The following PEAK1 variants were observed in gnomAD, a reference collection of about 807,000 sequenced individuals.
PEAK1 encodes the protein inactive tyrosine-protein kinase PEAK1.
In PEAK1, 54 loss-of-function variants were observed where a neutral mutation model predicts 124.7. That is an observed-to-expected ratio of 0.43 (90% CI 0.35 to 0.54). The LOEUF is 0.54. Among genes scored for constraint, PEAK1 ranks in the 20% least tolerant of loss-of-function variants. The pLI, the probability that PEAK1 is intolerant of heterozygous loss-of-function variation, is 0.01. For missense variants in PEAK1, 2,046 were observed against 2,134.5 expected, an observed-to-expected ratio of 0.96 and a Z score of 0.82; for synonymous variants, 719 against 760.0, an observed-to-expected ratio of 0.95 and a Z score of 0.89.
intron 6 of PEAK1, among the ~76,000 whole-genome samples, chr15:77,205,555 G>T (rs4886514): frequency 0.36 from 54,830 of 151,948 alleles, 10,050 homozygotes; most frequent in Non-Finnish European, 0.38. Context: ...AAATACTCCT[G>T]GCTCATGGCT....
chr15:77,334,831 C>T (rs1267715570), intron 2 of PEAK1: 2 of 985,264 alleles, frequency 2.0e-6, no homozygotes, highest in South Asian at 4.7e-5. Flanking sequence ...TTCACTGCAT[C>T]CAGAGATTTT....
At chr15:77,249,965 T>C (rs2060766538) in intron 6 of PEAK1, among the ~76,000 whole-genome samples, 2 of 151,704 alleles carry the variant, frequency 1.3e-5, no homozygotes, top group African/African-American at 4.8e-5. Context: ...AGTTCCTTTC[T>C]TCAACAAAAA....
chr15:77,298,192 C>A (rs1448024176), intron 2 of PEAK1, among the ~76,000 whole-genome samples: 1 of 91,656 alleles, frequency 1.1e-5, no homozygotes, highest in Non-Finnish European at 2.1e-5. Flanking sequence ...TGTTTGGTAT[C>A]CTTAATTTTT....
exon 7 of PEAK1, chr15:77,102,655 T>C (rs1199835884): frequency 6.6e-6 from 1 of 152,228 alleles, no homozygotes; most frequent in Non-Finnish European, 1.5e-5. Flanking sequence ...CCTTCTCATA[T>C]AGTGATGTCT....
chr15:77,327,878 G>A (rs1011949484), intron 2 of PEAK1, among the ~76,000 whole-genome samples: 1 of 151,902 alleles, frequency 6.6e-6, no homozygotes, highest in East Asian at 1.9e-4. Context: ...TAATTGATAA[G>A]CCACATTATG....
intron 6 of PEAK1, among the ~76,000 whole-genome samples, chr15:77,210,093 C>A (rs2058835478): frequency 6.6e-6 from 1 of 152,132 alleles, no homozygotes; most frequent in Non-Finnish European, 1.5e-5. Context: ...CCAGTTGTTA[C>A]AGAGATCAAA....
chr15:77,142,268 T>A (rs2053847158), intron 8 of PEAK1, among the ~76,000 whole-genome samples: 1 of 152,218 alleles, frequency 6.6e-6, no homozygotes, highest in African/African-American at 2.4e-5. Flanking sequence ...AACTGAGACA[T>A]CATTTCACAT....
chr15:77,211,955 T>C (rs1182471991), intron 6 of PEAK1, among the ~76,000 whole-genome samples: 1 of 152,052 alleles, frequency 6.6e-6, no homozygotes, highest in East Asian at 1.9e-4. Flanking sequence ...TTCTCTGGTG[T>C]TTTCATAAAA....
intron 1 of PEAK1, among the ~76,000 whole-genome samples, chr15:77,394,543 G>C (rs1567347397): frequency 6.6e-6 from 1 of 152,204 alleles, no homozygotes; most frequent in Non-Finnish European, 1.5e-5. Context: ...GCACCTCTAT[G>C]GGTCTGCAAA....
chr15:77,128,183 C>T (rs1474821594), intron 9 of PEAK1, among the ~76,000 whole-genome samples: 1 of 151,968 alleles, frequency 6.6e-6, no homozygotes, highest in Non-Finnish European at 1.5e-5. Flanking sequence ...TGGACTTAAC[C>T]AGCCATCTCA....
chr15:77,328,291 C>T (rs2065696862), intron 2 of PEAK1, among the ~76,000 whole-genome samples: 1 of 152,104 alleles, frequency 6.6e-6, no homozygotes, highest in Admixed American at 6.6e-5. Flanking sequence ...TATTCTGGCA[C>T]AAGTACTTAT....
chr15:77,249,352 T>C (rs1446195318), intron 6 of PEAK1, among the ~76,000 whole-genome samples: 2 of 152,194 alleles, frequency 1.3e-5, no homozygotes, highest in Non-Finnish European at 2.9e-5. Flanking sequence ...TAAACTTAGA[T>C]AAAACTATTT....
intron 1 of PEAK1, chr15:77,419,452 G>T: frequency 3.0e-6 from 3 of 985,368 alleles, no homozygotes; most frequent in Non-Finnish European, 3.6e-6. Flanking sequence ...CAGCCCACAC[G>T]TTCGCGGGCT....
intron 6 of PEAK1, among the ~76,000 whole-genome samples, chr15:77,214,859 G>A (rs1246804968): frequency 1.3e-5 from 2 of 152,010 alleles, no homozygotes; most frequent in Non-Finnish European, 2.9e-5. Flanking sequence ...GGCAATGGGG[G>A]AGTCCTCCGG....
intron 1 of PEAK1, chr15:77,402,762 C>T: frequency 2.0e-6 from 2 of 985,288 alleles, no homozygotes; most frequent in South Asian, 9.4e-5. Flanking sequence ...GACTTTCATA[C>T]TGCACATGCC....
chr15:77,296,151 C>A (rs936623745), intron 2 of PEAK1, among the ~76,000 whole-genome samples: 1 of 151,964 alleles, frequency 6.6e-6, no homozygotes, highest in African/African-American at 2.4e-5. Context: ...AAGAGAGCAA[C>A]GTAGACAGTG....
intron 1 of PEAK1, chr15:77,401,630 C>T (rs910738321): frequency 1.0e-6 from 1 of 984,948 alleles, no homozygotes; most frequent in Non-Finnish European, 1.2e-6. Context: ...GTATTTTCCA[C>T]AGAATGTTAT....
In PEAK1 at chr15:77,283,959, A is replaced by AT; in HGVS notation, c.-352dup. On this transcript the variant is annotated 5_prime_UTR_variant, in exon 5 of 10. It removes the in-frame stop codon of an upstream open reading frame in the 5' UTR. Coordinates refer to ENST00000682557, the MANE Select transcript of PEAK1 (RefSeq NM_001385026.1). ...GAAAATGTTTGTTTCTCCTTCTTGG[A>AT]TTTTTTCATAAATCATTGAATTCTC... 1 of 982,912 alleles carries AT rather than the reference A, an allele frequency of 1.0e-6. No homozygotes were observed. The highest frequency in any genetic ancestry group is 1.2e-6 in the Non-Finnish European group (1 of 827,862). The allele number at this position is 982,912 out of a possible 1,614,324, so 60.9% of individuals were successfully genotyped here. A position where few individuals can be genotyped will look rare whatever the true frequency, so the allele number is the denominator to read the frequency against.
chr15:77,367,993 C>T (rs549904440), intron 1 of PEAK1, among the ~76,000 whole-genome samples: 6 of 152,100 alleles, frequency 3.9e-5, no homozygotes, highest in African/African-American at 7.2e-5. Flanking sequence ...ATAATCTTTA[C>T]GCTGGCAAAT....
Sources: gnomAD v4.1 joint callset for allele counts (sites outside exome capture counted in the v4.1 genomes callset) on GRCh38, gnomAD v4.1.1 for gene constraint, MANE v1.5 for transcripts, NCBI Gene and HGNC (gene_info 2026-07-23, HGNC 2026-07-21) for gene names.